The following RASA2 variants were observed in gnomAD, a reference collection of about 807,000 sequenced individuals.
The protein encoded by RASA2 is RAS p21 protein activator 2, also known as ras GTPase-activating protein 2.
RASA2 carries 155 observed loss-of-function variants against 118.2 expected under a neutral mutation model. The ratio of observed to expected loss-of-function variants is 1.31; its 90% CI spans 1.15 to 1.50. The LOEUF (loss-of-function observed/expected upper bound fraction) is 1.50, where lower values mean the gene tolerates loss of function less well. RASA2 is among the 40% of genes most tolerant of loss of function. The pLI, the probability that RASA2 is intolerant of heterozygous loss-of-function variation, is 0.00. For missense variants in RASA2, 1,016 were observed against 1,009.6 expected (o/e 1.01, Z -0.09); for synonymous variants, 353 against 349.1 (o/e 1.01, Z -0.12).
At chr3:141,584,192 A>G (rs993551358) in intron 17 of RASA2, among the ~76,000 whole-genome samples, 3 of 151,900 alleles carry the variant, frequency 2.0e-5, no homozygotes, top group African/African-American at 4.8e-5. Context: ...TTAGCCGGGC[A>G]TGGTGGCAGG....
At position 141,609,582 on chromosome 3, in the gene RASA2, T is replaced by C. The variant is rs111989886; in HGVS notation, c.2329+59T>C. On this transcript the variant is annotated intron_variant, in intron 22 of 23. Transcript: ENST00000286364. The stretch of plus-strand genomic sequence containing the variant: ...TCTTTCATTACCAATTCCTAAAGTA[T>C]TGCTTTAGCATTATACAAAAGTTGA... The C allele has an allele frequency of 1.2e-5, 15 of 1,301,862 alleles. No individual in the cohort carries two copies. The African/African-American group carries it at 1.6e-4, about 14-fold the overall frequency. 80.6% of individuals were successfully genotyped at this position (1,301,862 alleles called of 1,614,324 possible). A position where few individuals can be genotyped will look rare whatever the true frequency, so the allele number is the denominator to read the frequency against.
At chr3:141,521,324 A>G (rs1443718702) in intron 3 of RASA2, among the ~76,000 whole-genome samples, 1 of 152,140 alleles carries the variant, frequency 6.6e-6, no homozygotes, top group Non-Finnish European at 1.5e-5. Flanking sequence ...GATGGGAGAG[A>G]TTAATGTCAG....
At position 141,531,845 on chromosome 3, in the gene RASA2, G is replaced by A. The variant is rs567581683; in HGVS notation, c.450+2043G>A. Among the ~76,000 whole-genome samples, 7 of 152,076 alleles carry A rather than the reference G, an allele frequency of 4.6e-5. No homozygotes were observed. The South Asian group carries it at 1.5e-3, about 32-fold the overall frequency. ...CCATTGAAAATGTTGTTGTCCCACT[G>A]CTGATAAGGGAATACTAAATTATGA... On this transcript the variant is annotated intron_variant, in intron 4 of 23. Transcript: ENST00000286364.
At chr3:141,578,585 C>T (rs551414189) in intron 15 of RASA2, 1 of 152,354 alleles carries the variant, frequency 6.6e-6, no homozygotes, top group African/African-American at 2.4e-5. Flanking sequence ...CCCTTTCTTG[C>T]CAAAGGATAA....
chr3:141,542,610 C>T (rs2082421129), intron 5 of RASA2, among the ~76,000 whole-genome samples: 1 of 152,038 alleles, frequency 6.6e-6, no homozygotes, highest in South Asian at 2.1e-4. Context: ...GTGGGTACAT[C>T]TTGCATGACT....
At chr3:141,610,703 C>T (rs1395489710) in intron 23 of RASA2, among the ~76,000 whole-genome samples, 1 of 151,558 alleles carries the variant, frequency 6.6e-6, no homozygotes, top group Non-Finnish European at 1.5e-5. Flanking sequence ...GTTGCCCAGG[C>T]TGGTTTTGAA....
intron 5 of RASA2, among the ~76,000 whole-genome samples, chr3:141,552,741 C>T (rs573702750): frequency 3.3e-5 from 5 of 152,156 alleles, no homozygotes; most frequent in South Asian, 4.1e-4. Flanking sequence ...AGAAATGAGT[C>T]GTATTATCAT....
At chr3:141,573,086 T>A in intron 12 of RASA2, 61 bp from the exon 13 acceptor site, 1 of 1,362,416 alleles carries the variant, frequency 7.3e-7, no homozygotes, top group Non-Finnish European at 9.9e-7. Context: ...GAAAAATAAG[T>A]TATTTTCATT....
chr3:141,516,203 AATAT>A, intron 2 of RASA2, 121 bp from the exon 3 acceptor site: 1 of 610,138 alleles, frequency 1.6e-6, no homozygotes, highest in Non-Finnish European at 2.2e-6. Flanking sequence ...AGTATAATAA[AATAT>A]ATATATATTA....
intron 9 of RASA2, among the ~76,000 whole-genome samples, chr3:141,566,813 A>C (rs184618361): frequency 2.0e-5 from 3 of 152,252 alleles, no homozygotes; most frequent in African/African-American, 7.2e-5. Context: ...TGTTAGTTAG[A>C]AACTTCTAAT....
chr3:141,599,697 T>C (rs573335562), intron 19 of RASA2, among the ~76,000 whole-genome samples: 1 of 149,682 alleles, frequency 6.7e-6, no homozygotes, highest in African/African-American at 2.4e-5. Context: ...CAGATATACA[T>C]GACCTCCTTA....
At chr3:141,608,749 T>C in intron 21 of RASA2, 52 bp downstream of exon 21, 1 of 1,529,364 alleles carries the variant, frequency 6.5e-7, no homozygotes, top group East Asian at 2.3e-5. Flanking sequence ...GATATATCCA[T>C]GCAATGTTAA....
intron 3 of RASA2, among the ~76,000 whole-genome samples, chr3:141,524,884 C>T (rs2082163955): frequency 6.6e-6 from 1 of 152,072 alleles, no homozygotes; most frequent in Non-Finnish European, 1.5e-5. Context: ...AGCCACCATG[C>T]CCGGCCTGTC....
At position 141,512,240 on chromosome 3, in the gene RASA2, G is replaced by A. The variant is rs1275494554; in HGVS notation, c.211G>A (p.Glu71Lys). 4 of 1,593,846 alleles carry A rather than the reference G, an allele frequency of 2.5e-6. No homozygotes were observed. The highest frequency in any genetic ancestry group is 3.4e-6 in the Non-Finnish European group (4 of 1,175,018). Residue 71 changes from glutamate to lysine, a missense_variant, in exon 2 of 24, where the codon GAA becomes AAA. Glu to Lys is a moderately conservative substitution (Grantham distance 56, BLOSUM62 1). Transcript: ENST00000286364. ...TTTCTGTACCATAAATTTGGACCAG[G>A]AAGAAGTTTATCGTACCCAAGTTGT... ...DCFCTINLDQ[E>K]EVYRTQVVEK...
intron 17 of RASA2, among the ~76,000 whole-genome samples, chr3:141,582,037 G>A (rs960992613): frequency 6.6e-6 from 1 of 152,070 alleles, no homozygotes; most frequent in Non-Finnish European, 1.5e-5. Flanking sequence ...ATCTAAACTG[G>A]GCCTGAAGAA....
intron 1 of RASA2, among the ~76,000 whole-genome samples, chr3:141,490,078 A>G (rs1244700577): frequency 2.0e-5 from 3 of 151,638 alleles, no homozygotes; most frequent in Admixed American, 1.3e-4. Flanking sequence ...AGATCCATCT[A>G]TAAGACAAAA....
intron 3 of RASA2, among the ~76,000 whole-genome samples, chr3:141,522,229 T>G (rs973702452): frequency 2.6e-5 from 4 of 152,178 alleles, no homozygotes; most frequent in African/African-American, 9.7e-5. Context: ...TCAGTCTTTC[T>G]GATAGAATCA....
At chr3:141,521,345 G>C (rs948542845) in intron 3 of RASA2, among the ~76,000 whole-genome samples, 1 of 152,132 alleles carries the variant, frequency 6.6e-6, no homozygotes, top group African/African-American at 2.4e-5. Flanking sequence ...AGAAGATAAG[G>C]AAACCTTTTA....
chr3:141,556,733 A>G (rs1208425535), intron 7 of RASA2, among the ~76,000 whole-genome samples: 1 of 150,924 alleles, frequency 6.6e-6, no homozygotes, highest in Non-Finnish European at 1.5e-5. Context: ...AAGGAGTTAC[A>G]TTTTGTGCCT....
Sources: gnomAD v4.1 joint callset for allele counts (sites outside exome capture counted in the v4.1 genomes callset) on GRCh38, gnomAD v4.1.1 for gene constraint, MANE v1.5 for transcripts, NCBI Gene and HGNC (gene_info 2026-07-23, HGNC 2026-07-21) for gene names.